MCPH1: variants seen among roughly 807,000 people sequenced by gnomAD.
The protein encoded by MCPH1 is microcephalin 1, also known as microcephalin.
A neutral mutation model predicts 84.5 loss-of-function variants in MCPH1; 104 were observed. The observed-to-expected ratio is 1.23, with a 90% CI of 1.05 to 1.45. MCPH1 has a LOEUF of 1.45. Ranked by LOEUF, MCPH1 falls within the 40% of genes most tolerant of loss-of-function variation. MCPH1 has a pLI of 0.00. For synonymous variants in MCPH1, 514 were observed against 366.8 expected, an observed-to-expected ratio of 1.40 and a Z score of -4.58; for missense variants, 1,498 against 1,005.7, an observed-to-expected ratio of 1.49 and a Z score of -6.62.
At chr8:6,553,011 T>G (rs1823935597) in intron 12 of MCPH1, among the ~76,000 whole-genome samples, 1 of 152,210 alleles carries the variant, frequency 6.6e-6, no homozygotes, top group South Asian at 2.1e-4. Context: ...GAAGCTGCTC[T>G]GTGTGATGCT....
At chr8:6,417,537 G>C (rs1353298671) in intron 3 of MCPH1, among the ~76,000 whole-genome samples, 1 of 151,726 alleles carries the variant, frequency 6.6e-6, no homozygotes, top group Non-Finnish European at 1.5e-5. Flanking sequence ...TTTCTCCTCA[G>C]ATTGATCTTT....
At position 6,444,423 on chromosome 8, in the gene MCPH1, C is replaced by T; in HGVS notation, c.701C>T (p.Ser234Phe). The T allele has an allele frequency of 6.2e-7, 1 of 1,614,152 alleles. No homozygotes were observed. The highest frequency in any genetic ancestry group is 8.5e-7 in the Non-Finnish European group (1 of 1,180,008). ...DEYFAGGLHS[S>F]FDDLCGNSGC... Reference sequence around the variant, plus strand: ...TACTTTGCTGGTGGCTTACACTCATCTTTTGATGATCTTTGTGGAAACTCA... The same window carrying T: ...TACTTTGCTGGTGGCTTACACTCATTTTTTGATGATCTTTGTGGAAACTCA... Residue 234 changes from serine (S) to phenylalanine (F), a missense_variant, in exon 8 of 14, where the codon TCT becomes TTT. Coordinates refer to ENST00000344683, the MANE Select transcript of MCPH1 (RefSeq NM_024596.5).
intron 13 of MCPH1, chr8:6,625,758 T>C: frequency 1.0e-6 from 1 of 979,472 alleles, no homozygotes. Context: ...TACTCCAGCC[T>C]AGGCAACAGA....
chr8:6,531,032 A>T (rs1430562171), intron 12 of MCPH1, among the ~76,000 whole-genome samples: 2 of 152,166 alleles, frequency 1.3e-5, no homozygotes, highest in African/African-American at 4.8e-5. Flanking sequence ...AGCCCAGAGT[A>T]GGAAGCCACT....
intron 12 of MCPH1, among the ~76,000 whole-genome samples, chr8:6,516,832 A>G (rs2515431): frequency 0.3 from 45,742 of 152,084 alleles, 8,049 homozygotes; most frequent in Middle Eastern, 0.47. Context: ...TACATGTTCT[A>G]TCTTGTTCAG....
At chr8:6,613,192 G>A (rs1241465935) in intron 12 of MCPH1, among the ~76,000 whole-genome samples, 1 of 152,182 alleles carries the variant, frequency 6.6e-6, no homozygotes, top group African/African-American at 2.4e-5. Flanking sequence ...TCAGTGGGGA[G>A]CCACGGCTGA....
In MCPH1 at chr8:6,439,032, C is replaced by T. The variant is rs1803089955; in HGVS notation, c.516C>T (p.His172=). 6.2e-7 allele frequency: 1 copy of T among 1,612,746 alleles called. No individual in the cohort carries two copies. The highest frequency in any genetic ancestry group is 8.5e-7 in the Non-Finnish European group (1 of 1,179,330). The change falls in exon 6 of 14, where the codon CAC becomes CAT. Residue 172 remains histidine, a synonymous_variant. Coordinates refer to ENST00000344683, the MANE Select transcript of MCPH1 (RefSeq NM_024596.5). Reference sequence around the variant, plus strand: ...CCACAATTGAAATTAATAGTAGGCACCACAGCGCAATGGAGAAGAGATTAC... The same window carrying T: ...CCACAATTGAAATTAATAGTAGGCATCACAGCGCAATGGAGAAGAGATTAC... ...YTPTIEINSR[H]HSAMEKRLQE...
At chr8:6,580,205 C>T (rs1827442995) in intron 12 of MCPH1, among the ~76,000 whole-genome samples, 1 of 152,152 alleles carries the variant, frequency 6.6e-6, no homozygotes, top group Non-Finnish European at 1.5e-5. Context: ...GGCCTCAGAC[C>T]CCAGCCAACC....
intron 12 of MCPH1, among the ~76,000 whole-genome samples, chr8:6,609,274 T>A (rs762028293): frequency 7.9e-5 from 12 of 152,206 alleles, no homozygotes; most frequent in African/African-American, 2.4e-4. Flanking sequence ...CCAAAGCGCA[T>A]GGACGGGACC....
intron 12 of MCPH1, among the ~76,000 whole-genome samples, chr8:6,540,526 A>T (rs1415055889): frequency 6.6e-6 from 1 of 152,232 alleles, no homozygotes; most frequent in Non-Finnish European, 1.5e-5. Context: ...ATGGCACGTT[A>T]TGCATACCTG....
intron 3 of MCPH1, among the ~76,000 whole-genome samples, chr8:6,417,096 G>C (rs184537449): frequency 4.6e-5 from 7 of 151,984 alleles, no homozygotes; most frequent in African/African-American, 1.7e-4. Flanking sequence ...AATTTATTTT[G>C]TTTAGATTTT....
At chr8:6,625,165 G>A (rs745836213) in intron 13 of MCPH1, 61 of 984,982 alleles carry the variant, frequency 6.2e-5, no homozygotes, top group Admixed American at 1.2e-4. Flanking sequence ...GTGAGCCACC[G>A]TGCCTGGCCG....
Position 6,538,400 on chromosome 8 carries a change from A to G in MCPH1, c.2214+38471A>G, listed in dbSNP as rs547858029. ...CTCCTTTCATCCCGCTGTCAGAGTC[A>G]GGAATCCACATGCAAAGCTGGTGAC... On this transcript the variant is annotated intron_variant, in intron 12 of 13. Coordinates refer to ENST00000344683, the MANE Select transcript of MCPH1 (RefSeq NM_024596.5). 3.1e-4 allele frequency among the ~76,000 whole-genome samples: 47 copies of G among 152,296 alleles called. 1 individual carries two copies. The highest frequency in any genetic ancestry group is 2.9e-4 in the Non-Finnish European group (20 of 68,034).
chr8:6,598,972 A>C (rs1441135506), intron 12 of MCPH1, among the ~76,000 whole-genome samples: 3 of 152,220 alleles, frequency 2.0e-5, no homozygotes, highest in Non-Finnish European at 4.4e-5. Flanking sequence ...AAAGACCCTA[A>C]TTAGTTCTGA....
At position 6,638,668 on chromosome 8, in the gene MCPH1, G is replaced by C. The variant is rs147242949; in HGVS notation, c.2453-4326G>C. On this transcript the variant is annotated intron_variant, in intron 13 of 13. Transcript: ENST00000344683. ...CTTCCTATTCATCTCTGTCTCCACC[G>C]GCCAGGACTGGCATTACTCTAACAT... Among the ~76,000 whole-genome samples, 813 of 151,924 alleles carry C rather than the reference G, an allele frequency of 5.4e-3. 6 individuals carry two copies. Among genetic ancestry groups the C allele is most frequent in the Middle Eastern group, 0.014 (4 of 294 alleles).
intron 9 of MCPH1, among the ~76,000 whole-genome samples, chr8:6,461,501 A>ATTTT (rs78168192): frequency 7.3e-6 from 1 of 136,356 alleles, no homozygotes; most frequent in East Asian, 2.1e-4. Context: ...TAATTTTTCT[A>ATTTT]TTTTTTTTTT....
intron 9 of MCPH1, among the ~76,000 whole-genome samples, chr8:6,460,683 A>G (rs1806183734): frequency 6.6e-6 from 1 of 151,962 alleles, no homozygotes. Flanking sequence ...CATATCTAAT[A>G]TGCCTGGTTA....
intron 8 of MCPH1, among the ~76,000 whole-genome samples, chr8:6,449,980 A>G (rs1804902346): frequency 8.3e-6 from 1 of 120,326 alleles, no homozygotes; most frequent in South Asian, 3.6e-4. Flanking sequence ...CCGTGTGTTC[A>G]CTAGCAAAAG....
intron 12 of MCPH1, among the ~76,000 whole-genome samples, chr8:6,604,149 G>A (rs1829576847): frequency 6.6e-6 from 1 of 152,024 alleles, no homozygotes; most frequent in Non-Finnish European, 1.5e-5. Context: ...ATCTAGCTCA[G>A]CCCCCATGCT....
Sources: gnomAD v4.1 joint callset for allele counts (sites outside exome capture counted in the v4.1 genomes callset) on GRCh38, gnomAD v4.1.1 for gene constraint, MANE v1.5 for transcripts, NCBI Gene and HGNC (gene_info 2026-07-23, HGNC 2026-07-21) for gene names.